ROCK1: variants seen among roughly 807,000 people sequenced by gnomAD.
ROCK1 encodes the protein rho-associated protein kinase 1.
A neutral mutation model predicts 196.8 loss-of-function variants in ROCK1; 36 were observed. That is an observed-to-expected ratio of 0.18 (90% CI 0.14 to 0.24). ROCK1 has a LOEUF of 0.24. Among genes scored for constraint, ROCK1 ranks in the 10% least tolerant of loss-of-function variants. The pLI is 1.00. For synonymous variants in ROCK1, 443 were observed against 515.9 expected (o/e 0.86, Z 1.91); for missense variants, 920 against 1,562.0 (o/e 0.59, Z 6.93).
At chr18:21,085,130 A>G (rs975277069) in intron 1 of ROCK1, among the ~76,000 whole-genome samples, 1 of 152,200 alleles carries the variant, frequency 6.6e-6, no homozygotes, top group Non-Finnish European at 1.5e-5. Context: ...TAATGGATAC[A>G]GAGTTTGTTT....
chr18:21,011,944 TTCC>T (rs1329545089), intron 13 of ROCK1, among the ~76,000 whole-genome samples: 2 of 152,082 alleles, frequency 1.3e-5, no homozygotes, highest in African/African-American at 4.8e-5. Flanking sequence ...TAATTCAAAA[TTCC>T]TCCTTTTTCT....
intron 1 of ROCK1, among the ~76,000 whole-genome samples, chr18:21,097,709 A>C (rs1271995238): frequency 6.6e-6 from 1 of 152,256 alleles, no homozygotes; most frequent in Non-Finnish European, 1.5e-5. Context: ...GATTACAAAC[A>C]GCTAACATCT....
chr18:20,952,911 G>C (rs2035204358), intron 32 of ROCK1, among the ~76,000 whole-genome samples: 1 of 152,086 alleles, frequency 6.6e-6, no homozygotes, highest in African/African-American at 2.4e-5. Context: ...CTCGTAAGTG[G>C]GAGTTGAACA....
chr18:21,103,311 A>C (rs2036675210), intron 1 of ROCK1, among the ~76,000 whole-genome samples: 2 of 152,224 alleles, frequency 1.3e-5, no homozygotes, highest in Admixed American at 1.3e-4. Flanking sequence ...CACTTACTAA[A>C]GATGGTTGAC....
intron 9 of ROCK1, among the ~76,000 whole-genome samples, chr18:21,038,109 T>C (rs17202361): frequency 0.074 from 11,324 of 152,202 alleles, 608 homozygotes; most frequent in Admixed American, 0.15. Flanking sequence ...TTGTACGTCT[T>C]CAGCCTTCTT....
chr18:20,963,804 T>A (rs556460673), intron 27 of ROCK1, among the ~76,000 whole-genome samples: 2 of 152,286 alleles, frequency 1.3e-5, no homozygotes, highest in South Asian at 4.1e-4. Flanking sequence ...AATCTTTATG[T>A]TTGTATTGTG....
At chr18:21,091,742 G>C (rs1242990734) in intron 1 of ROCK1, among the ~76,000 whole-genome samples, 1 of 152,204 alleles carries the variant, frequency 6.6e-6, no homozygotes, top group Non-Finnish European at 1.5e-5. Context: ...AGGCCGAGGC[G>C]AGTGGATCAC....
chr18:21,009,666 C>T (rs2035799977), intron 13 of ROCK1, among the ~76,000 whole-genome samples: 1 of 152,128 alleles, frequency 6.6e-6, no homozygotes, highest in South Asian at 2.1e-4. Flanking sequence ...TTTTATATCC[C>T]CATCTGCAAT....
intron 22 of ROCK1, among the ~76,000 whole-genome samples, chr18:20,972,788 G>A (rs946239184): frequency 3.9e-5 from 6 of 152,188 alleles, no homozygotes; most frequent in African/African-American, 1.2e-4. Flanking sequence ...GAGCTCAAGA[G>A]AGAATGAAAG....
At chr18:20,962,338 T>C (rs949999386) in intron 27 of ROCK1, among the ~76,000 whole-genome samples, 4 of 152,178 alleles carry the variant, frequency 2.6e-5, no homozygotes, top group Non-Finnish European at 4.4e-5. Flanking sequence ...AGATGAACAT[T>C]AGTGAGAATG....
intron 1 of ROCK1, among the ~76,000 whole-genome samples, chr18:21,099,753 G>C (rs1356559243): frequency 6.6e-6 from 1 of 150,650 alleles, no homozygotes; most frequent in Non-Finnish European, 1.5e-5. Context: ...TCAAAAAACA[G>C]GCCGGGCGCA....
intron 29 of ROCK1, among the ~76,000 whole-genome samples, chr18:20,959,057 T>TTATA (rs1555743134): frequency 0.049 from 2,306 of 46,804 alleles, 355 homozygotes; most frequent in African/African-American, 0.25. Flanking sequence ...AATATATATA[T>TTATA]TATATTTTAT....
At position 20,984,645 on chromosome 18, in the gene ROCK1, G is replaced by C. The variant is rs905516022; in HGVS notation, c.2305-110C>G. 1.4e-4 allele frequency: 99 copies of C among 713,728 alleles called. No individual in the cohort carries two copies. In the African/African-American group the frequency reaches 1.6e-3, roughly 12 times the overall value. 44.2% of individuals were successfully genotyped at this position (713,728 alleles called of 1,614,324 possible). On this transcript the variant is annotated intron_variant, in intron 19 of 32. Transcript: ENST00000399799. ...TACATTATAATTCATGGTACTAGTAGAAAATATTAGTATTTTAAAGAGTCT... is the reference window on the plus strand; with the variant it reads ...TACATTATAATTCATGGTACTAGTACAAAATATTAGTATTTTAAAGAGTCT...
chr18:20,984,171 T>C lies in ROCK1; in HGVS notation c.2489+180A>G, dbSNP rs542527290. On this transcript the variant is annotated intron_variant, in intron 20 of 32. Coordinates refer to ENST00000399799, the MANE Select transcript of ROCK1 (RefSeq NM_005406.3). ...AAAATCAGATGAGAAAACTGTGGTC[T>C]TTCCAAAGCCTGAACTCCCCTGAAA... is the stretch of plus-strand genomic sequence containing the variant. Among the ~76,000 whole-genome samples the C allele has an allele frequency of 1.8e-4, 27 of 152,328 alleles. 1 individual carries two copies. The South Asian group carries it at 5.2e-3, about 29-fold the overall frequency.
chr18:21,064,103 T>C (rs2036314061), intron 2 of ROCK1, among the ~76,000 whole-genome samples: 1 of 152,120 alleles, frequency 6.6e-6, no homozygotes, highest in African/African-American at 2.4e-5. Context: ...AGCAACTAAG[T>C]AATTTTTTTT....
intron 14 of ROCK1, among the ~76,000 whole-genome samples, 178 bp from the exon 15 acceptor site, chr18:21,006,968 A>G (rs2035774043): frequency 1.3e-5 from 2 of 152,332 alleles, no homozygotes; most frequent in Middle Eastern, 3.4e-3. Context: ...TAAAAAGTAG[A>G]ACATTATCTT....
At position 21,096,584 on chromosome 18, in the gene ROCK1, G is replaced by A. The variant is rs1254758413; in HGVS notation, c.93+14234C>T. Among the ~76,000 whole-genome samples the A allele has an allele frequency of 6.6e-5, 10 of 152,214 alleles. No homozygotes were observed. The East Asian group carries it at 1.7e-3, about 26-fold the overall frequency. Reference sequence around the variant, plus strand: ...TCAGAGAAAGAAAGGGAAAGAACAAGAGAATGGAAATAGGGGAGATAATCA... The same window carrying A: ...TCAGAGAAAGAAAGGGAAAGAACAAAAGAATGGAAATAGGGGAGATAATCA... On this transcript the variant is annotated intron_variant, in intron 1 of 32. Transcript: ENST00000399799.
At position 20,970,215 on chromosome 18, in the gene ROCK1, T is replaced by A. The variant is rs544287712; in HGVS notation, c.2820+133A>T. The stretch of plus-strand genomic sequence containing the variant: ...GGTATTATACAAACTATTTTATACA[T>A]GAGTACAGAATGACCACTATGTATT... On this transcript the variant is annotated intron_variant, in intron 23 of 32. Transcript: ENST00000399799. 1.0e-4 allele frequency: 61 copies of A among 593,080 alleles called. No individual in the cohort carries two copies. In the Admixed American group the frequency reaches 1.4e-3, roughly 14 times the overall value. 36.7% of individuals were successfully genotyped at this position (593,080 alleles called of 1,614,324 possible). A position where few individuals can be genotyped will look rare whatever the true frequency, so the allele number is the denominator to read the frequency against.
At chr18:20,991,379 T>C (rs1598520165) in intron 17 of ROCK1, 53 bp from the exon 18 acceptor site, 1 of 1,168,580 alleles carries the variant, frequency 8.6e-7, no homozygotes, top group Non-Finnish European at 1.2e-6. Context: ...GGCATGCATG[T>C]TAGTAAATCT....
Sources: allele counts gnomAD v4.1 joint callset (sites outside exome capture counted in the v4.1 genomes callset), GRCh38; gene constraint gnomAD v4.1.1; transcripts MANE v1.5; gene names NCBI Gene and HGNC (gene_info 2026-07-23, HGNC 2026-07-21).